ARFGAP1: variants seen among roughly 807,000 people sequenced by gnomAD.
The protein encoded by ARFGAP1 is ADP-ribosylation factor GTPase-activating protein 1.
ARFGAP1 carries 26 observed loss-of-function variants against 54.0 expected under a neutral mutation model. That is an observed-to-expected ratio of 0.48 (90% CI 0.35 to 0.67). ARFGAP1 has a LOEUF of 0.67. ARFGAP1 is among the 30% of genes least tolerant of loss of function. ARFGAP1 has a pLI of 0.00. For missense variants in ARFGAP1, 525 were observed against 535.8 expected, an observed-to-expected ratio of 0.98 and a Z score of 0.20; for synonymous variants, 248 against 211.9, an observed-to-expected ratio of 1.17 and a Z score of -1.48.
In ARFGAP1 at chr20:63,286,354, G is replaced by T; in HGVS notation, c.835-12G>T. On this transcript the variant is annotated splice_polypyrimidine_tract_variant and intron_variant, in intron 11 of 12. Transcript: ENST00000370283. ...CAGGGCCTGCCTAACCTCTCTTCCC[G>T]TCTCCTTCCAGGTCCAGGGAGTCGG... The T allele has an allele frequency of 6.2e-7, 1 of 1,613,140 alleles. No individual in the cohort carries two copies. Among genetic ancestry groups the T allele is most frequent in the Non-Finnish European group, 8.5e-7 (1 of 1,179,872 alleles).
At position 63,275,626 on chromosome 20, in the gene ARFGAP1, C is replaced by G; in HGVS notation, c.46C>G (p.Gln16Glu). 6.2e-7 allele frequency: 1 copy of G among 1,613,918 alleles called. No homozygotes were observed. Among genetic ancestry groups the G allele is most frequent in the Middle Eastern group, 1.7e-4 (1 of 6,060 alleles). The change falls in exon 2 of 13, where the codon CAG becomes GAG. Residue 16 changes from glutamine (Q) to glutamate (E), a missense_variant. By Grantham distance (29) the Gln-to-Glu change is conservative (BLOSUM62 2). Coordinates refer to ENST00000370283, the MANE Select transcript of ARFGAP1 (RefSeq NM_018209.4). ...TRKVLKEVRV[Q>E]DENNVCFECG... ...GAAGGTTCTTAAAGAAGTCAGGGTG[C>G]AGGATGAGAACAACGTAAGCCTCTG...
At chr20:63,277,936 G>A (rs150429501) in intron 5 of ARFGAP1, among the ~76,000 whole-genome samples, 181 bp from the exon 6 acceptor site, 40 of 152,338 alleles carry the variant, frequency 2.6e-4, no homozygotes, top group Non-Finnish European at 4.4e-4. Flanking sequence ...TGGCATTGCT[G>A]GGGTTTCAGC....
intron 5 of ARFGAP1, among the ~76,000 whole-genome samples, chr20:63,277,642 A>T (rs1377114796): frequency 6.6e-6 from 1 of 152,076 alleles, no homozygotes; most frequent in Non-Finnish European, 1.5e-5. Flanking sequence ...TGCCTGTGGC[A>T]CTGGCCCTGG....
chr20:63,281,864 G>A (rs1298186751), intron 8 of ARFGAP1, among the ~76,000 whole-genome samples: 8 of 152,172 alleles, frequency 5.3e-5, no homozygotes, highest in Non-Finnish European at 1.5e-5. Context: ...CCGGGGGCTG[G>A]GCTGTGGTGT....
chr20:63,283,640 G>C lies in ARFGAP1; in HGVS notation c.717+789G>C, dbSNP rs534988353. On this transcript the variant is annotated intron_variant, in intron 9 of 12. Coordinates refer to ENST00000370283, the MANE Select transcript of ARFGAP1 (RefSeq NM_018209.4). ...ATCTGGCTTTTTCGTGGGCCTCCCA[G>C]GGTCCTGAGGTGCAGTCGCTCGCGC... The C allele has an allele frequency of 6.0e-3, 2,919 of 487,364 alleles. 13 individuals carry two copies. The highest frequency in any genetic ancestry group is 8.4e-3 in the Non-Finnish European group (2,347 of 278,590). 30.2% of individuals were successfully genotyped at this position (487,364 alleles called of 1,614,324 possible).
intron 6 of ARFGAP1, chr20:63,278,491 C>T (rs2067291784): frequency 2.1e-6 from 1 of 471,892 alleles, no homozygotes; most frequent in Non-Finnish European, 3.9e-6. Context: ...GGGTGTATTG[C>T]AGTGACCCCC....
chr20:63,282,347 C>T (rs898984226), intron 8 of ARFGAP1, among the ~76,000 whole-genome samples: 1 of 152,256 alleles, frequency 6.6e-6, no homozygotes, highest in Non-Finnish European at 1.5e-5. Context: ...ACGACCGGGC[C>T]TTTTCTCCTC....
chr20:63,284,440 C>A, intron 9 of ARFGAP1: 1 of 1,091,634 alleles, frequency 9.2e-7, no homozygotes, highest in East Asian at 6.9e-5. Context: ...CTTCCTATGG[C>A]CCCAGCCTCC....
chr20:63,288,611 G>A lies in ARFGAP1; in HGVS notation c.*738G>A, dbSNP rs2123337677. Reference sequence around the variant, plus strand: ...CCTGGAAGAAAAAGGAGCGCAGGGTGGGCCCTCGGCCCTGATGCAGGAGGG... The same window carrying A: ...CCTGGAAGAAAAAGGAGCGCAGGGTAGGCCCTCGGCCCTGATGCAGGAGGG... On this transcript the variant is annotated 3_prime_UTR_variant, in exon 13 of 13. Coordinates refer to ENST00000370283, the MANE Select transcript of ARFGAP1 (RefSeq NM_018209.4). 2 of 435,962 alleles carry A rather than the reference G, an allele frequency of 4.6e-6. No homozygotes were observed. Among genetic ancestry groups the A allele is most frequent in the Middle Eastern group, 6.8e-4 (1 of 1,462 alleles). The allele number at this position is 435,962 out of a possible 1,614,324, so 27.0% of individuals were successfully genotyped here. A position where few individuals can be genotyped will look rare whatever the true frequency, so the allele number is the denominator to read the frequency against.
In ARFGAP1 at chr20:63,276,383, G is replaced by C; in HGVS notation, c.171-97G>C. On this transcript the variant is annotated intron_variant, in intron 3 of 12. Coordinates refer to ENST00000370283, the MANE Select transcript of ARFGAP1 (RefSeq NM_018209.4). The surrounding 1 kb of genome is among the most constrained non-coding windows in gnomAD (Gnocchi z 5.2). ...CTGGCCACTCAGCCTCCCTGCGGCT[G>C]CTGCTTGCTGTGTCTAATTCTCAGG... 1 of 1,498,334 alleles carries C rather than the reference G, an allele frequency of 6.7e-7. No homozygotes were observed. The highest frequency in any genetic ancestry group is 2.3e-5 in the East Asian group (1 of 43,916). 92.8% of individuals were successfully genotyped at this position (1,498,334 alleles called of 1,614,324 possible).
In ARFGAP1 at chr20:63,285,755, C is replaced by A. The variant is rs573741766; in HGVS notation, c.834+42C>A. ...ATACGCGGGCACAGTCGAAGCCAGT[C>A]TCCATATTCCACGGCCCTGGGCGTG... On this transcript the variant is annotated intron_variant, in intron 11 of 12. Transcript: ENST00000370283. 2.5e-6 allele frequency: 4 copies of A among 1,602,648 alleles called. No individual in the cohort carries two copies. In the South Asian group the frequency reaches 4.4e-5, roughly 18 times the overall value.
chr20:63,274,517 G>A (rs536717483), intron 1 of ARFGAP1, among the ~76,000 whole-genome samples: 1 of 152,254 alleles, frequency 6.6e-6, no homozygotes, highest in African/African-American at 2.4e-5. Flanking sequence ...CACGTGTGTA[G>A]CTTCCCATGG....
chr20:63,277,859 C>T (rs1022122595), intron 5 of ARFGAP1, among the ~76,000 whole-genome samples: 3 of 152,238 alleles, frequency 2.0e-5, no homozygotes, highest in African/African-American at 4.8e-5. Context: ...CACCTCTCCC[C>T]GCTGCCTCCT....
chr20:63,286,501 T>C (rs1159259425), intron 12 of ARFGAP1, 59 bp downstream of exon 12: 1 of 1,522,330 alleles, frequency 6.6e-7, no homozygotes, highest in East Asian at 2.3e-5. Flanking sequence ...CCACTCCTCC[T>C]ACAGGCTCTC....
chr20:63,283,990 C>T lies in ARFGAP1; in HGVS notation c.718-876C>T, dbSNP rs368944922. ...ACTGTCTTGTGTCACCTCACATGTG[C>T]GCACGCTCAGACCCTCTCCCTGGCC... On this transcript the variant is annotated intron_variant, in intron 9 of 12. Coordinates refer to ENST00000370283, the MANE Select transcript of ARFGAP1 (RefSeq NM_018209.4). 388 of 1,540,998 alleles carry T rather than the reference C, an allele frequency of 2.5e-4. 1 individual carries two copies. The African/African-American group carries it at 4.2e-3, about 17-fold the overall frequency.
In ARFGAP1 at chr20:63,286,411, T is replaced by C; in HGVS notation, c.880T>C (p.Phe294Leu). ...SKGWRDVTTF[F>L]SGKAEGPLDS... ...GGGATGGCGGGACGTCACCACCTTT[T>C]TTTCGGGGAAAGCAGAGGGCCCCTT... is the stretch of plus-strand genomic sequence containing the variant. The change falls in exon 12 of 13, where the codon TTT becomes CTT. Residue 294 changes from phenylalanine to leucine, a missense_variant. Phe to Leu is a conservative substitution (Grantham distance 22, BLOSUM62 0). Around this residue, in one of 3 missense-constraint regions of ARFGAP1, gnomAD observed 466 missense variants for 453.6 expected, o/e 1.03. Transcript: ENST00000370283. 1 of 1,613,498 alleles carries C rather than the reference T, an allele frequency of 6.2e-7. No homozygotes were observed. Among genetic ancestry groups the C allele is most frequent in the Non-Finnish European group, 8.5e-7 (1 of 1,179,976 alleles).
chr20:63,278,304 G>T (rs1157225054), intron 6 of ARFGAP1, 101 bp downstream of exon 6: 1 of 1,257,648 alleles, frequency 8.0e-7, no homozygotes, highest in South Asian at 1.2e-5. Flanking sequence ...TGTGCAGTGG[G>T]TGTGGGACCC....
chr20:63,279,425 C>G (rs1016175966), intron 7 of ARFGAP1: 2 of 338,652 alleles, frequency 5.9e-6, no homozygotes, highest in Admixed American at 4.4e-5. Context: ...AGGTTGGTTT[C>G]GAACTCCTGA....
chr20:63,286,291 T>A, intron 11 of ARFGAP1, 75 bp from the exon 12 acceptor site: 1 of 1,599,862 alleles, frequency 6.3e-7, no homozygotes, highest in Non-Finnish European at 8.5e-7. Context: ...GCGTGCCGGC[T>A]TGCGTGTGGG....
Sources: gnomAD v4.1 joint callset for allele counts (sites outside exome capture counted in the v4.1 genomes callset) on GRCh38, gnomAD v4.1.1 for gene constraint, gnomAD v4.1.1 regional missense constraint, Gnocchi (gnomAD v3.1) non-coding constraint, MANE v1.5 for transcripts, NCBI Gene and HGNC (gene_info 2026-07-23, HGNC 2026-07-21) for gene names.